The following NSFL1C variants were observed in gnomAD, a reference collection of about 807,000 sequenced individuals.
NSFL1C encodes the protein NSFL1 cofactor p47.
A neutral mutation model predicts 43.1 loss-of-function variants in NSFL1C; 14 were observed. The ratio of observed to expected loss-of-function variants is 0.32; its 90% CI spans 0.21 to 0.51. NSFL1C has a LOEUF of 0.51. Among genes scored for constraint, NSFL1C ranks in the 20% least tolerant of loss-of-function variants. The pLI is 0.98. For synonymous variants in NSFL1C, 171 were observed against 183.5 expected (o/e 0.93, Z 0.55); for missense variants, 406 against 472.5 (o/e 0.86, Z 1.30).
At chr20:1,450,041 AT>A (rs1227195558) in intron 7 of NSFL1C, among the ~76,000 whole-genome samples, 1 of 152,218 alleles carries the variant, frequency 6.6e-6, no homozygotes, top group East Asian at 1.9e-4. Context: ...AACAAAAAAA[AT>A]TTAATACAAC....
intron 7 of NSFL1C, among the ~76,000 whole-genome samples, chr20:1,451,041 AT>A (rs1226485061): frequency 6.6e-6 from 1 of 152,230 alleles, no homozygotes; most frequent in African/African-American, 2.4e-5. Flanking sequence ...GACAGCTTTT[AT>A]TCTTTACCTG....
chr20:1,447,146 T>C (rs1214191607), intron 7 of NSFL1C, among the ~76,000 whole-genome samples: 2 of 152,186 alleles, frequency 1.3e-5, no homozygotes, highest in African/African-American at 4.8e-5. Context: ...GAGGAGAATG[T>C]CACCCACATT....
intron 1 of NSFL1C, among the ~76,000 whole-genome samples, chr20:1,466,318 C>A (rs2090509935): frequency 6.6e-6 from 1 of 152,210 alleles, no homozygotes; most frequent in Admixed American, 6.5e-5. Context: ...GGCTGGACTT[C>A]GGAAGTGGAA....
chr20:1,462,145 T>A (rs6131536), intron 2 of NSFL1C, among the ~76,000 whole-genome samples: 19,062 of 152,152 alleles, frequency 0.13, 2,305 homozygotes, highest in East Asian at 0.62. Context: ...GAGGCAGCAG[T>A]GACAACATAA....
intron 3 of NSFL1C, among the ~76,000 whole-genome samples, chr20:1,455,414 A>G (rs1394683546): frequency 6.6e-6 from 1 of 152,218 alleles, no homozygotes; most frequent in African/African-American, 2.4e-5. Context: ...TATCAGGTGA[A>G]CAAACTGGGG....
rs1299866010 is a variant in NSFL1C, at chr20:1,443,639, T to C, written c.*110A>G. ...AGAACCCAGAGCTATGGAGGAGACG[T>C]TGCACTGGACTGCTGGGTGTGCACA... On this transcript the variant is annotated 3_prime_UTR_variant, in exon 9 of 9. Transcript: ENST00000216879. The C allele has an allele frequency of 1.4e-5, 15 of 1,090,440 alleles. No individual in the cohort carries two copies. The Admixed American group carries it at 1.5e-4, about 11-fold the overall frequency. The allele number at this position is 1,090,440 out of a possible 1,614,324, so 67.5% of individuals were successfully genotyped here.
intron 7 of NSFL1C, 68 bp downstream of exon 7, chr20:1,452,425 A>C: frequency 6.3e-7 from 1 of 1,576,832 alleles, no homozygotes. Context: ...AGTGAGTGAT[A>C]CACAGGGTCT....
At chr20:1,452,708 C>G in intron 6 of NSFL1C, 78 bp from the exon 7 acceptor site, 1 of 1,562,094 alleles carries the variant, frequency 6.4e-7, no homozygotes, top group Non-Finnish European at 8.7e-7. Flanking sequence ...GAGAAGAAAC[C>G]TCTCAGTCCC....
At chr20:1,451,598 AC>A in intron 7 of NSFL1C, among the ~76,000 whole-genome samples, 1 of 152,326 alleles carries the variant, frequency 6.6e-6, no homozygotes, top group Admixed American at 6.5e-5. Flanking sequence ...AAGGAGGGTC[AC>A]TATGCTCTAA....
At chr20:1,458,136 T>C in intron 3 of NSFL1C, 64 bp downstream of exon 3, 2 of 1,261,324 alleles carry the variant, frequency 1.6e-6, no homozygotes, top group Non-Finnish European at 2.3e-6. Context: ...CTGTTCTAGG[T>C]GATTTACACA....
Position 1,452,377 on chromosome 20 carries a change from T to C in NSFL1C, c.785+116A>G, listed in dbSNP as rs2090198721. On this transcript the variant is annotated intron_variant, in intron 7 of 8. Coordinates refer to ENST00000216879, the MANE Select transcript of NSFL1C (RefSeq NM_016143.5). ...ACTCTTCCTCCCATACAAATAAAATTTGAAGTATTTTGTAAACAGTAAAGA... is the reference window on the plus strand; with the variant it reads ...ACTCTTCCTCCCATACAAATAAAATCTGAAGTATTTTGTAAACAGTAAAGA... 7 of 1,332,742 alleles carry C rather than the reference T, an allele frequency of 5.3e-6. No individual in the cohort carries two copies. In the South Asian group the frequency reaches 8.5e-5, roughly 16 times the overall value. The allele number at this position is 1,332,742 out of a possible 1,614,324, so 82.6% of individuals were successfully genotyped here. A position where few individuals can be genotyped will look rare whatever the true frequency, so the allele number is the denominator to read the frequency against.
At chr20:1,448,876 C>G (rs1210327296) in intron 7 of NSFL1C, among the ~76,000 whole-genome samples, 1 of 152,216 alleles carries the variant, frequency 6.6e-6, no homozygotes, top group Non-Finnish European at 1.5e-5. Flanking sequence ...GTCCCACTCT[C>G]CTGTTGGGCC....
In NSFL1C at chr20:1,455,140, C is replaced by A; in HGVS notation, c.279-8G>T. On this transcript the variant is annotated splice_region_variant and splice_polypyrimidine_tract_variant and intron_variant, in intron 3 of 8. Coordinates refer to ENST00000216879, the MANE Select transcript of NSFL1C (RefSeq NM_016143.5). ...GAGCCCCCAGCATAAAACCTGTGTA[C>A]AAAATACACCTCTAACATGAAACAC... The A allele has an allele frequency of 1.2e-6, 2 of 1,614,120 alleles. No homozygotes were observed. The highest frequency in any genetic ancestry group is 1.1e-5 in the South Asian group (1 of 91,082).
intron 3 of NSFL1C, chr20:1,455,734 G>A (rs187177769): frequency 2.3e-4 from 177 of 779,562 alleles, no homozygotes; most frequent in African/African-American, 1.2e-4. Flanking sequence ...AGTCAGAGCC[G>A]TGAGGTTCAA....
At chr20:1,463,577 CTGT>C (rs946340696) in intron 2 of NSFL1C, 10 of 152,328 alleles carry the variant, frequency 6.6e-5, no homozygotes, top group African/African-American at 2.4e-4. Context: ...CAAAGAAACA[CTGT>C]TGGTTATATT....
At chr20:1,457,110 T>C (rs1361328664) in intron 3 of NSFL1C, 4 of 152,190 alleles carry the variant, frequency 2.6e-5, no homozygotes, top group Non-Finnish European at 5.9e-5. Context: ...GTTCTAAAGG[T>C]TAAAAACAAA....
rs2090521266 is a variant in NSFL1C at position 1,466,704 on chromosome 20, C to T, written c.105+16G>A. On this transcript the variant is annotated intron_variant, in intron 1 of 8. Transcript: ENST00000216879. ...AGTCCCCGGCCCACCCGACACAGCCCGCCGCGCGGCGCTACCTGCAAGTCC... is the reference window on the plus strand; with the variant it reads ...AGTCCCCGGCCCACCCGACACAGCCTGCCGCGCGGCGCTACCTGCAAGTCC... 2.0e-6 allele frequency: 3 copies of T among 1,538,138 alleles called. No homozygotes were observed. The highest frequency in any genetic ancestry group is 1.2e-5 in the South Asian group (1 of 84,038).
In NSFL1C at chr20:1,464,421, C is replaced by G; in HGVS notation, c.111G>C (p.Ala37=). The G allele has an allele frequency of 6.2e-7, 1 of 1,614,194 alleles. No homozygotes were observed. The highest frequency in any genetic ancestry group is 8.5e-7 in the Non-Finnish European group (1 of 1,179,996). Residue 37 remains alanine, a synonymous_variant, in exon 2 of 9, where the codon GCG becomes GCC. Transcript: ENST00000216879. The stretch of plus-strand genomic sequence containing the variant: ...CTCCGTCCTCATAAAAGCTCGCTAG[C>G]GCGATCTGAAACAGAGAGGTAGTAC... ...LESAGWDLQI[A]LASFYEDGGD...
At chr20:1,452,408 T>A (rs2122868658) in intron 7 of NSFL1C, 85 bp downstream of exon 7, 2 of 1,521,258 alleles carry the variant, frequency 1.3e-6, no homozygotes, top group Non-Finnish European at 1.8e-6. Context: ...AAAGAGCTAA[T>A]AACCAAAGTG....
Sources: allele counts gnomAD v4.1 joint callset (sites outside exome capture counted in the v4.1 genomes callset), GRCh38; gene constraint gnomAD v4.1.1; transcripts MANE v1.5; gene names NCBI Gene and HGNC (gene_info 2026-07-23, HGNC 2026-07-21).